The following PTPRG variants were observed in gnomAD, a reference collection of about 807,000 sequenced individuals.
PTPRG encodes protein tyrosine phosphatase receptor type G, also known as receptor-type tyrosine-protein phosphatase gamma.
A neutral mutation model predicts 165.3 loss-of-function variants in PTPRG; 102 were observed. That is an observed-to-expected ratio of 0.62 (90% CI 0.53 to 0.73). The LOEUF (loss-of-function observed/expected upper bound fraction) is 0.73, where lower values mean the gene tolerates loss of function less well. Among genes scored for constraint, PTPRG ranks in the 30% least tolerant of loss-of-function variants. PTPRG has a pLI of 0.00. For missense variants in PTPRG, 1,866 were observed against 1,861.4 expected (o/e 1.00, Z -0.05); for synonymous variants, 675 against 669.5 (o/e 1.01, Z -0.13).
intron 2 of PTPRG, among the ~76,000 whole-genome samples, chr3:61,908,410 G>T: frequency 1.9e-5 from 1 of 52,856 alleles, no homozygotes; most frequent in African/African-American, 1.1e-4. Flanking sequence ...GGGCAACAGA[G>T]CAAAAAAAAA....
chr3:61,828,147 C>T (rs751688875), intron 2 of PTPRG, among the ~76,000 whole-genome samples: 1 of 152,044 alleles, frequency 6.6e-6, no homozygotes, highest in Non-Finnish European at 1.5e-5. Flanking sequence ...CTTTTTTTCT[C>T]AGTCTATCAA....
chr3:61,742,899 G>A, intron 1 of PTPRG: 4 of 1,485,704 alleles, frequency 2.7e-6, no homozygotes, highest in Middle Eastern at 2.3e-4. Flanking sequence ...AGTGCTGCTG[G>A]TCCCCCAGGA....
chr3:61,771,799 A>G (rs2034212881), intron 2 of PTPRG, among the ~76,000 whole-genome samples: 1 of 152,024 alleles, frequency 6.6e-6, no homozygotes, highest in Admixed American at 6.6e-5. Context: ...AGTGGCTCAC[A>G]CCTATAATCC....
intron 4 of PTPRG, among the ~76,000 whole-genome samples, chr3:62,035,356 A>C (rs1274519792): frequency 2.0e-5 from 3 of 152,146 alleles, no homozygotes; most frequent in Non-Finnish European, 4.4e-5. Context: ...TCTTGCCCTG[A>C]AAAATGAATG....
At chr3:61,897,409 T>C (rs1417648446) in intron 2 of PTPRG, among the ~76,000 whole-genome samples, 1 of 152,128 alleles carries the variant, frequency 6.6e-6, no homozygotes, top group Non-Finnish European at 1.5e-5. Flanking sequence ...TTTGTTTGAG[T>C]CTATTTCTGG....
At chr3:62,263,010 A>G in intron 17 of PTPRG, 116 bp downstream of exon 17, 1 of 745,110 alleles carries the variant, frequency 1.3e-6, no homozygotes, top group Non-Finnish European at 2.2e-6. Flanking sequence ...GATTCTTGCA[A>G]GCTAACCTCT....
rs1454450692 is a variant in PTPRG, at chr3:62,228,522, AAAAG to A, written c.2289-2691_2289-2688del. On this transcript the variant is annotated intron_variant, in intron 13 of 29. Coordinates refer to ENST00000474889, the MANE Select transcript of PTPRG (RefSeq NM_002841.4). This position sits in a 1 kb window ranked among gnomAD's most constrained non-coding sequence, Gnocchi z 4.1. ...GAGCAAAACTCCATCTCAAAAAAAA[AAAAG>A]AAAGAAAGAAAAAAGAAAAAGAAAA... Among the ~76,000 whole-genome samples, 10 of 151,992 alleles carry A rather than the reference AAAAG, an allele frequency of 6.6e-5. No individual in the cohort carries two copies. The highest frequency in any genetic ancestry group is 1.7e-4 in the African/African-American group (7 of 41,388).
At chr3:61,942,444 C>T (rs951494974) in intron 2 of PTPRG, among the ~76,000 whole-genome samples, 13 of 152,194 alleles carry the variant, frequency 8.5e-5, no homozygotes, top group Non-Finnish European at 2.9e-5. Flanking sequence ...TGAGTGTACC[C>T]CATGGCCCTT....
intron 2 of PTPRG, among the ~76,000 whole-genome samples, chr3:61,802,742 A>G (rs2035286320): frequency 6.6e-6 from 1 of 152,094 alleles, no homozygotes; most frequent in East Asian, 1.9e-4. Flanking sequence ...GTATGACACC[A>G]GCTCTGCAGC....
At chr3:62,063,153 C>T (rs572054572) in intron 4 of PTPRG, among the ~76,000 whole-genome samples, 1 of 152,348 alleles carries the variant, frequency 6.6e-6, no homozygotes, top group South Asian at 2.1e-4. Flanking sequence ...CCCGATGAGG[C>T]AGAGCTTGAA....
intron 5 of PTPRG, among the ~76,000 whole-genome samples, chr3:62,120,205 A>C (rs1703014744): frequency 6.6e-6 from 1 of 152,172 alleles, no homozygotes; most frequent in South Asian, 2.1e-4. Context: ...CAGAGAAAGC[A>C]GGCAAACCAG....
At chr3:62,211,749 C>A (rs778888890) in intron 12 of PTPRG, among the ~76,000 whole-genome samples, 1 of 152,108 alleles carries the variant, frequency 6.6e-6, no homozygotes, top group African/African-American at 2.4e-5. Flanking sequence ...GACACCAGAG[C>A]GGTTCTTGTC....
At chr3:62,063,466 T>G (rs1700889748) in intron 4 of PTPRG, among the ~76,000 whole-genome samples, 1 of 152,236 alleles carries the variant, frequency 6.6e-6, no homozygotes, top group Admixed American at 6.5e-5. Flanking sequence ...TCTGGTGTCC[T>G]TCTGAGCAAA....
At chr3:61,681,567 T>A (rs868515647) in intron 1 of PTPRG, among the ~76,000 whole-genome samples, 19 of 152,210 alleles carry the variant, frequency 1.2e-4, no homozygotes, top group African/African-American at 4.6e-4. Flanking sequence ...TTCACCTTGA[T>A]ATATTTCCCA....
At position 62,293,011 on chromosome 3, in the gene PTPRG, GA is replaced by G. The variant is rs532928778; in HGVS notation, c.4192-149del. On this transcript the variant is annotated intron_variant, in intron 29 of 29. Transcript: ENST00000474889. ...GGTCTTGACTATAATAAATTCAAAT[GA>G]TTTTTTTTTTAGTTTTTTTAGATAA... The G allele has an allele frequency of 5.1e-5, 33 of 649,258 alleles. No individual in the cohort carries two copies. The East Asian group carries it at 8.5e-4, about 17-fold the overall frequency. 40.2% of individuals were successfully genotyped at this position (649,258 alleles called of 1,614,324 possible). A position where few individuals can be genotyped will look rare whatever the true frequency, so the allele number is the denominator to read the frequency against.
At chr3:61,914,040 C>T (rs964653241) in intron 2 of PTPRG, among the ~76,000 whole-genome samples, 1 of 152,178 alleles carries the variant, frequency 6.6e-6, no homozygotes, top group African/African-American at 2.4e-5. Flanking sequence ...GTATACTTCA[C>T]AGTGGGATCA....
chr3:61,600,034 C>T (rs1295923595), intron 1 of PTPRG, among the ~76,000 whole-genome samples: 1 of 151,660 alleles, frequency 6.6e-6, no homozygotes, highest in East Asian at 2.0e-4. Flanking sequence ...GTGGTGTACA[C>T]CTGTAGTCCC....
intron 14 of PTPRG, chr3:62,243,560 C>G (rs1333173570): frequency 8.8e-6 from 3 of 339,748 alleles, no homozygotes; most frequent in South Asian, 5.8e-5. Flanking sequence ...TAGTTAAATA[C>G]TAAGCCTTTC....
At chr3:61,610,769 C>CCCTCCCTA (rs1553640597) in intron 1 of PTPRG, among the ~76,000 whole-genome samples, 1 of 123,974 alleles carries the variant, frequency 8.1e-6, no homozygotes, top group African/African-American at 2.9e-5. Flanking sequence ...CTCCCTCCCT[C>CCCTCCCTA]CCTACCTCCC....
Sources: allele counts gnomAD v4.1 joint callset (sites outside exome capture counted in the v4.1 genomes callset), GRCh38; gene constraint gnomAD v4.1.1; non-coding constraint Gnocchi (gnomAD v3.1); transcripts MANE v1.5; gene names NCBI Gene and HGNC (gene_info 2026-07-23, HGNC 2026-07-21).